Variants in LRRC28 observed in about 807,000 individuals in gnomAD.
LRRC28 encodes leucine-rich repeat-containing protein 28.
In LRRC28, 39 loss-of-function variants were observed where a neutral mutation model predicts 45.7. That is an observed-to-expected ratio of 0.85 (90% CI 0.66 to 1.12). The LOEUF is 1.12. Ranked by LOEUF, LRRC28 falls within the 50% of genes most tolerant of loss-of-function variation. The pLI, the probability that LRRC28 is intolerant of heterozygous loss-of-function variation, is 0.00. For missense variants in LRRC28, 435 were observed against 438.5 expected (o/e 0.99, Z 0.07); for synonymous variants, 206 against 178.8 (o/e 1.15, Z -1.22).
intron 2 of LRRC28, among the ~76,000 whole-genome samples, chr15:99,263,169 AT>A (rs2081245331): frequency 1.4e-5 from 2 of 139,214 alleles, no homozygotes; most frequent in South Asian, 2.4e-4. Flanking sequence ...AAAAAAAAAA[AT>A]AGCTGGTTGT....
At chr15:99,378,362 A>G (rs1240295011) in intron 9 of LRRC28, among the ~76,000 whole-genome samples, 1 of 152,184 alleles carries the variant, frequency 6.6e-6, no homozygotes, top group Non-Finnish European at 1.5e-5. Flanking sequence ...GTGTATAAGA[A>G]TGCTTGTGAT....
At chr15:99,350,608 C>G (rs2152314420) in intron 6 of LRRC28, among the ~76,000 whole-genome samples, 1 of 152,246 alleles carries the variant, frequency 6.6e-6, no homozygotes, top group East Asian at 1.9e-4. Flanking sequence ...CCTGAAGGTC[C>G]TTAATGGTTA....
At chr15:99,351,174 T>C (rs1956865863) in intron 6 of LRRC28, among the ~76,000 whole-genome samples, 1 of 152,090 alleles carries the variant, frequency 6.6e-6, no homozygotes. Context: ...TGTACCTCTG[T>C]GACAATAAAG....
chr15:99,369,477 G>C (rs1187898101), intron 9 of LRRC28, among the ~76,000 whole-genome samples: 4 of 152,180 alleles, frequency 2.6e-5, no homozygotes, highest in African/African-American at 9.7e-5. Context: ...GTTGAGGTTA[G>C]AGTTGAAGTT....
intron 3 of LRRC28, among the ~76,000 whole-genome samples, chr15:99,283,274 C>G (rs902566571): frequency 2.6e-5 from 4 of 151,728 alleles, no homozygotes; most frequent in African/African-American, 4.8e-5. Flanking sequence ...ATGGGTCATA[C>G]TGGTGTACCC....
chr15:99,357,315 T>C (rs894981840), intron 7 of LRRC28, among the ~76,000 whole-genome samples: 8 of 152,192 alleles, frequency 5.3e-5, no homozygotes, highest in African/African-American at 1.9e-4. Context: ...TATATGCTCA[T>C]ATGTACCAAA....
chr15:99,292,765 G>A (rs1567634350), intron 5 of LRRC28, among the ~76,000 whole-genome samples: 1 of 152,164 alleles, frequency 6.6e-6, no homozygotes, highest in African/African-American at 2.4e-5. Flanking sequence ...CCTTGTCTGT[G>A]GCAGATTTCT....
intron 7 of LRRC28, among the ~76,000 whole-genome samples, chr15:99,355,000 A>G (rs929907420): frequency 2.0e-5 from 3 of 152,238 alleles, no homozygotes; most frequent in Non-Finnish European, 4.4e-5. Context: ...ATACGTATTT[A>G]TCTCAGATTC....
chr15:99,266,010 T>C (rs1289090168), intron 2 of LRRC28, among the ~76,000 whole-genome samples: 1 of 152,008 alleles, frequency 6.6e-6, no homozygotes, highest in Non-Finnish European at 1.5e-5. Flanking sequence ...AAAAAAGAGG[T>C]ATCCAAATTT....
chr15:99,329,716 T>A (rs1416612309), intron 5 of LRRC28, among the ~76,000 whole-genome samples: 1 of 152,232 alleles, frequency 6.6e-6, no homozygotes, highest in Non-Finnish European at 1.5e-5. Context: ...TGGATATGGA[T>A]AACTGCATAT....
At chr15:99,328,745 G>C (rs139439517) in intron 5 of LRRC28, among the ~76,000 whole-genome samples, 36 of 149,882 alleles carry the variant, frequency 2.4e-4, no homozygotes, top group Admixed American at 4.7e-4. Context: ...CTGTGTCTCA[G>C]AGAAGGGACA....
chr15:99,262,727 G>A (rs1389987191), intron 2 of LRRC28, among the ~76,000 whole-genome samples: 4 of 151,932 alleles, frequency 2.6e-5, no homozygotes, highest in South Asian at 4.2e-4. Context: ...CACTGCAGCC[G>A]TGACCTCCTG....
Position 99,361,369 on chromosome 15 carries a change from G to A in LRRC28, c.729G>A (p.Lys243=). 6.2e-7 allele frequency: 1 copy of A among 1,613,642 alleles called. No homozygotes were observed. The highest frequency in any genetic ancestry group is 1.1e-5 in the South Asian group (1 of 91,016). The change falls in exon 8 of 10, where the codon AAG becomes AAA. Residue 243 remains lysine (K), a synonymous_variant. Coordinates refer to ENST00000301981, the MANE Select transcript of LRRC28 (RefSeq NM_144598.5). ...CGAPIQVSEV[K]LLSFSSGQRT... ...CTCCCATTCAAGTTTCCGAGGTGAAGCTGCTTTCCTTTTCATCAGGGCAGC... is the reference window on the plus strand; with the variant it reads ...CTCCCATTCAAGTTTCCGAGGTGAAACTGCTTTCCTTTTCATCAGGGCAGC...
At chr15:99,278,436 C>T (rs1032698182) in intron 3 of LRRC28, among the ~76,000 whole-genome samples, 10 of 152,054 alleles carry the variant, frequency 6.6e-5, no homozygotes, top group African/African-American at 9.7e-5. Flanking sequence ...TTAGTAGAGA[C>T]GGGGTTTCAC....
intron 5 of LRRC28, among the ~76,000 whole-genome samples, chr15:99,330,096 A>T (rs981943854): frequency 4.6e-5 from 7 of 152,196 alleles, no homozygotes; most frequent in Admixed American, 2.6e-4. Context: ...GAATTTTTAA[A>T]AATTCTTTCG....
At chr15:99,374,038 T>C (rs1400864122) in intron 9 of LRRC28, among the ~76,000 whole-genome samples, 1 of 152,158 alleles carries the variant, frequency 6.6e-6, no homozygotes, top group Admixed American at 6.5e-5. Context: ...TGAGTGATAC[T>C]TCTACTTTGC....
intron 6 of LRRC28, among the ~76,000 whole-genome samples, chr15:99,345,773 T>C (rs555786062): frequency 6.6e-6 from 1 of 152,360 alleles, no homozygotes; most frequent in African/African-American, 2.4e-5. Flanking sequence ...ACATATTGTA[T>C]GGTGATTTAA....
intron 5 of LRRC28, among the ~76,000 whole-genome samples, chr15:99,291,783 G>C (rs2082128591): frequency 6.6e-6 from 1 of 152,290 alleles, no homozygotes. Context: ...ATTTTACACT[G>C]TTCTGTCAGC....
At chr15:99,346,463 A>G (rs569644191) in intron 6 of LRRC28, among the ~76,000 whole-genome samples, 4 of 152,244 alleles carry the variant, frequency 2.6e-5, no homozygotes, top group Non-Finnish European at 4.4e-5. Context: ...AAGAAATAAA[A>G]TTAATGCAGA....
Sources: allele counts gnomAD v4.1 joint callset (sites outside exome capture counted in the v4.1 genomes callset), GRCh38; gene constraint gnomAD v4.1.1; transcripts MANE v1.5; gene names NCBI Gene and HGNC (gene_info 2026-07-23, HGNC 2026-07-21).